Variants in MYOF observed in about 807,000 individuals in gnomAD.
MYOF encodes the protein myoferlin.
MYOF carries 244 observed loss-of-function variants against 284.2 expected under a neutral mutation model. The observed-to-expected ratio is 0.86, with a 90% CI of 0.77 to 0.95. The LOEUF (loss-of-function observed/expected upper bound fraction) is 0.95, where lower values mean the gene tolerates loss of function less well. MYOF is among the 40% of genes least tolerant of loss of function. The probability of loss-of-function intolerance (pLI) is 0.00; values close to 1 mark genes in which losing one functional copy is unlikely to be tolerated. For synonymous variants in MYOF, 904 were observed against 919.7 expected, an observed-to-expected ratio of 0.98 and a Z score of 0.31; for missense variants, 2,496 against 2,560.6, an observed-to-expected ratio of 0.97 and a Z score of 0.54.
intron 24 of MYOF, among the ~76,000 whole-genome samples, chr10:93,370,456 T>C (rs1845537231): frequency 6.6e-6 from 1 of 151,082 alleles, no homozygotes; most frequent in African/African-American, 2.4e-5. Context: ...GGATCACAGA[T>C]GCATGCCACC....
chr10:93,478,840 A>AAGAAAGAAAGAAAGAAAGAAAGAAAG lies in MYOF; in HGVS notation c.88+3266_88+3267insCTTTCTTTCTTTCTTTCTTTCTTTCT, dbSNP rs10666333. On this transcript the variant is annotated intron_variant, in intron 1 of 53. Coordinates refer to ENST00000359263, the MANE Select transcript of MYOF (RefSeq NM_013451.4). ...GAAACAGTCTCAAAAAAAAAAAAAA[A>AAGAAAGAAAGAAAGAAAGAAAGAAAG]AAAGAAAGAAAGAAAGAAAGGGTTT... Among the ~76,000 whole-genome samples the AAGAAAGAAAGAAAGAAAGAAAGAAAG allele has an allele frequency of 1.3e-3, 103 of 78,072 alleles. 1 individual carries two copies. The highest frequency in any genetic ancestry group is 4.5e-3 in the African/African-American group (88 of 19,522). The allele number at this position is 78,072 out of a possible 152,430, so 51.2% of individuals were successfully genotyped here.
At position 93,414,370 on chromosome 10, in the gene MYOF, C is replaced by T. The variant is rs117788299; in HGVS notation, c.434-4631G>A. Among the ~76,000 whole-genome samples the T allele has an allele frequency of 1.5e-4, 23 of 152,256 alleles. No homozygotes were observed. The East Asian group carries it at 4.3e-3, about 28-fold the overall frequency. On this transcript the variant is annotated intron_variant, in intron 5 of 53. Transcript: ENST00000359263. ...TGGTCAACATGGCAAAGCCCCGTTTCTACTAAAAATATTAAAAAATTAGCC... is the reference window on the plus strand; with the variant it reads ...TGGTCAACATGGCAAAGCCCCGTTTTTACTAAAAATATTAAAAAATTAGCC...
chr10:93,316,784 T>C lies in MYOF; in HGVS notation c.5628A>G (p.Glu1876=). Reference sequence around the variant, plus strand: ...TGATCAGCCTGGGTGGGATTCGAAATTCCGTTTGGTCAATACTCCAGAAAT... The same window carrying C: ...TGATCAGCCTGGGTGGGATTCGAAACTCCGTTTGGTCAATACTCCAGAAAT... ...KEHFWSIDQT[E]FRIPPRLIIQ... Residue 1876 remains glutamate (E), a synonymous_variant, in exon 50 of 54, where the codon GAA becomes GAG. Coordinates refer to ENST00000359263, the MANE Select transcript of MYOF (RefSeq NM_013451.4). 6.2e-7 allele frequency: 1 copy of C among 1,613,848 alleles called. No homozygotes were observed. The highest frequency in any genetic ancestry group is 1.7e-5 in the Admixed American group (1 of 60,000).
rs764144887 is a variant in MYOF at position 93,329,661 on chromosome 10, TAC to T, written c.4982+1_4982+2del. 3.7e-6 allele frequency: 6 copies of T among 1,613,722 alleles called. No individual in the cohort carries two copies. The Admixed American group carries it at 5.0e-5, about 13-fold the overall frequency. ...TGCCTCTTGTACAGTCAAAGCAACT[TAC>T]ACACAGTACTCCTCTGGTATGCCGC... On this transcript the variant is annotated splice_donor_variant, in intron 44 of 53. Coordinates refer to ENST00000359263, the MANE Select transcript of MYOF (RefSeq NM_013451.4). LOFTEE classifies it high-confidence loss of function.
Position 93,328,758 on chromosome 10 carries a change from C to T in MYOF, c.5131+5G>A. 6.2e-7 allele frequency: 1 copy of T among 1,607,354 alleles called. No individual in the cohort carries two copies. Among genetic ancestry groups the T allele is most frequent in the Admixed American group, 1.7e-5 (1 of 59,952 alleles). On this transcript the variant is annotated splice_donor_5th_base_variant and intron_variant, in intron 45 of 53. Coordinates refer to ENST00000359263, the MANE Select transcript of MYOF (RefSeq NM_013451.4). ...CCAGTTTACAATCCACAGCTAGGTG[C>T]TCACCAAATTCATCCAAGCTGTAGT...
In MYOF at chr10:93,355,993, T is replaced by C. The variant is rs117991550; in HGVS notation, c.3295-257A>G. Among the ~76,000 whole-genome samples, 736 of 152,054 alleles carry C rather than the reference T, an allele frequency of 4.8e-3. 2 individuals are homozygous for C. The highest frequency in any genetic ancestry group is 7.9e-3 in the Non-Finnish European group (539 of 67,986). On this transcript the variant is annotated intron_variant, in intron 30 of 53. Transcript: ENST00000359263. ...CCAGTCCAGGTTTGCCAAACCCTGC[T>C]ACTGAAAGAAAGGGAAAAAAAGGAA...
intron 38 of MYOF, among the ~76,000 whole-genome samples, chr10:93,342,192 A>T (rs1389358732): frequency 9.9e-5 from 15 of 152,190 alleles, no homozygotes; most frequent in Non-Finnish European, 1.5e-4. Flanking sequence ...GCAACAGCAT[A>T]GTTATTTTTG....
rs766775503 is a variant in MYOF, at chr10:93,482,237, A to C, written c.-43T>G. The C allele has an allele frequency of 5.8e-6, 9 of 1,561,530 alleles. No individual in the cohort carries two copies. The African/African-American group carries it at 1.2e-4, about 21-fold the overall frequency. ...AAGCAAGTTTCAGCAAACGAAGTGG[A>C]GACTAGGGCGCTGGAGCTCCGGGTC... is the stretch of plus-strand genomic sequence containing the variant. On this transcript the variant is annotated 5_prime_UTR_variant, in exon 1 of 54. Coordinates refer to ENST00000359263, the MANE Select transcript of MYOF (RefSeq NM_013451.4).
chr10:93,356,969 G>A, intron 29 of MYOF, 121 bp from the exon 30 acceptor site: 1 of 1,033,132 alleles, frequency 9.7e-7, no homozygotes, highest in South Asian at 1.7e-5. Context: ...TCTGTGCCAA[G>A]TACTGAGCTA....
At position 93,333,824 on chromosome 10, in the gene MYOF, C is replaced by T. The variant is rs1020987014; in HGVS notation, c.4653G>A (p.Gln1551=). The change falls in exon 42 of 54, where the codon CAG becomes CAA. Residue 1551 remains glutamine, a synonymous_variant. Coordinates refer to ENST00000359263, the MANE Select transcript of MYOF (RefSeq NM_013451.4). ...QFRELPDSVP[Q]ECTVRIYIVR... is the part of the protein sequence containing the mutation. ...CAATGTAAATCCTAACCGTGCATTC[C>T]TGTGGGACGCTGTCAGGTAATTCCC... The T allele has an allele frequency of 1.2e-6, 2 of 1,614,132 alleles. No homozygotes were observed. The highest frequency in any genetic ancestry group is 3.3e-5 in the Admixed American group (2 of 60,018).
At chr10:93,390,792 G>A (rs1243334057) in intron 17 of MYOF, among the ~76,000 whole-genome samples, 1 of 150,894 alleles carries the variant, frequency 6.6e-6, no homozygotes, top group Non-Finnish European at 1.5e-5. Context: ...TTTAGAAGCT[G>A]AATCACACAC....
chr10:93,381,269 G>C lies in MYOF; in HGVS notation c.1826C>G (p.Thr609Ser). The C allele has an allele frequency of 6.2e-7, 1 of 1,614,218 alleles. No homozygotes were observed. Residue 609 changes from threonine (T) to serine (S), a missense_variant, in exon 20 of 54, where the codon ACC (threonine) becomes AGC (serine). Coordinates refer to ENST00000359263, the MANE Select transcript of MYOF (RefSeq NM_013451.4). ...IGNYGNKFDT[T>S]CKPLASTTQY... ...AGTTGTTGATGCCAAAGGCTTACAG[G>C]TGGTGTCAAACTTGTTGCCATAGTT...
At chr10:93,397,518 T>C in intron 13 of MYOF, 62 bp from the exon 14 acceptor site, 1 of 1,256,532 alleles carries the variant, frequency 8.0e-7, no homozygotes, top group South Asian at 1.3e-5. Flanking sequence ...AAGTTTACAA[T>C]CTATGCATAC....
chr10:93,370,496 T>C (rs1028682845), intron 24 of MYOF, among the ~76,000 whole-genome samples: 1 of 149,146 alleles, frequency 6.7e-6, no homozygotes, highest in African/African-American at 2.5e-5. Context: ...ATTTTTTTTG[T>C]AGAGACGGGG....
chr10:93,319,812 G>A (rs1242293599), intron 49 of MYOF, 60 bp downstream of exon 49: 3 of 1,605,044 alleles, frequency 1.9e-6, no homozygotes, highest in Non-Finnish European at 2.6e-6. Context: ...CATTCTATGA[G>A]CTTCTGAGTT....
intron 28 of MYOF, among the ~76,000 whole-genome samples, chr10:93,360,723 G>A (rs1845028658): frequency 6.6e-6 from 1 of 152,224 alleles, no homozygotes; most frequent in South Asian, 2.1e-4. Flanking sequence ...TCAGTAGTCT[G>A]CATCATTGCT....
At chr10:93,367,535 A>G (rs185456550) in intron 25 of MYOF, among the ~76,000 whole-genome samples, 1 of 152,288 alleles carries the variant, frequency 6.6e-6, no homozygotes, top group Admixed American at 6.5e-5. Context: ...AACTAAAGGA[A>G]CTGTTATCCT....
intron 1 of MYOF, among the ~76,000 whole-genome samples, chr10:93,475,680 G>A (rs2134402329): frequency 6.6e-6 from 1 of 152,284 alleles, no homozygotes; most frequent in South Asian, 2.1e-4. Context: ...GGGTGTTGCA[G>A]AGGATATAAC....
At chr10:93,320,671 C>G (rs1044477782) in intron 48 of MYOF, among the ~76,000 whole-genome samples, 2 of 151,972 alleles carry the variant, frequency 1.3e-5, no homozygotes, top group Admixed American at 6.6e-5. Context: ...TAGATAAATA[C>G]CTACTGAAGG....
Sources: gnomAD v4.1 joint callset for allele counts (sites outside exome capture counted in the v4.1 genomes callset) on GRCh38, gnomAD v4.1.1 for gene constraint, MANE v1.5 for transcripts, NCBI Gene and HGNC (gene_info 2026-07-23, HGNC 2026-07-21) for gene names.